The following DNAJC1 variants were observed in gnomAD, a reference collection of about 807,000 sequenced individuals.
DNAJC1 encodes dnaJ homolog subfamily C member 1.
DNAJC1 carries 58 observed loss-of-function variants against 76.6 expected under a neutral mutation model. That is an observed-to-expected ratio of 0.76 (90% CI 0.61 to 0.94). DNAJC1 has a LOEUF of 0.94. Ranked by LOEUF, DNAJC1 falls within the 40% of genes least tolerant of loss-of-function variation. The pLI, the probability that DNAJC1 is intolerant of heterozygous loss-of-function variation, is 0.00. For missense variants in DNAJC1, 689 were observed against 677.3 expected (o/e 1.02, Z -0.19); for synonymous variants, 258 against 267.9 (o/e 0.96, Z 0.36).
intron 8 of DNAJC1, among the ~76,000 whole-genome samples, chr10:21,856,406 G>A (rs1835833208): frequency 6.6e-6 from 1 of 152,052 alleles, no homozygotes; most frequent in African/African-American, 2.4e-5. Flanking sequence ...TGTTGTGTAT[G>A]TCTTTGAGGA....
intron 7 of DNAJC1, among the ~76,000 whole-genome samples, chr10:21,884,331 A>C (rs948203644): frequency 4.6e-5 from 7 of 152,178 alleles, no homozygotes; most frequent in African/African-American, 1.7e-4. Flanking sequence ...TACACTCTAA[A>C]GGTTAAAGAA....
intron 8 of DNAJC1, among the ~76,000 whole-genome samples, chr10:21,813,028 C>T (rs1040958139): frequency 1.8e-4 from 8 of 45,362 alleles, no homozygotes; most frequent in African/African-American, 3.9e-4. Context: ...CACACACATA[C>T]ACACACACAC....
At chr10:21,939,565 C>T (rs1207636500) in intron 1 of DNAJC1, among the ~76,000 whole-genome samples, 1 of 152,104 alleles carries the variant, frequency 6.6e-6, no homozygotes, top group Admixed American at 6.5e-5. Context: ...TACATAAATA[C>T]CATTGTGTTA....
intron 1 of DNAJC1, among the ~76,000 whole-genome samples, chr10:21,939,179 G>A (rs184020799): frequency 1.3e-5 from 2 of 152,196 alleles, no homozygotes; most frequent in African/African-American, 4.8e-5. Context: ...GTGAGCCACC[G>A]CTCCCGGCCC....
chr10:21,870,585 G>A (rs1342005946), intron 8 of DNAJC1, among the ~76,000 whole-genome samples: 1 of 151,978 alleles, frequency 6.6e-6, no homozygotes, highest in Admixed American at 6.6e-5. Context: ...ACGAGCCTAG[G>A]TAATGTAGGG....
rs555652039 is a variant in DNAJC1, at chr10:21,879,783, G to A, written c.978+2499C>T. Among the ~76,000 whole-genome samples, 5 of 152,280 alleles carry A rather than the reference G, an allele frequency of 3.3e-5. No homozygotes were observed. The South Asian group carries it at 1.0e-3, about 32-fold the overall frequency. ...AATAACCATCTGAGTCTTTCAACAA[G>A]TCATAATCTTTCTATTGGTAGAGGG... is the stretch of plus-strand genomic sequence containing the variant. On this transcript the variant is annotated intron_variant, in intron 8 of 11. Transcript: ENST00000376980.
intron 6 of DNAJC1, among the ~76,000 whole-genome samples, chr10:21,908,972 G>A (rs1260967036): frequency 1.3e-5 from 2 of 151,694 alleles, no homozygotes; most frequent in Non-Finnish European, 2.9e-5. Flanking sequence ...TGCAACCTCC[G>A]CCTCCCGGGT....
chr10:21,912,050 T>A (rs990990392), intron 6 of DNAJC1, among the ~76,000 whole-genome samples: 1 of 152,182 alleles, frequency 6.6e-6, no homozygotes, highest in African/African-American at 2.4e-5. Flanking sequence ...AATCGATAAG[T>A]TGAGGAAAAT....
At chr10:21,854,402 ATAT>A (rs1835801105) in intron 8 of DNAJC1, among the ~76,000 whole-genome samples, 1 of 151,724 alleles carries the variant, frequency 6.6e-6, no homozygotes, top group Admixed American at 6.6e-5. Flanking sequence ...TGTATTTTAA[ATAT>A]TATCAAACTT....
chr10:21,986,154 G>A (rs1367642151), intron 1 of DNAJC1, among the ~76,000 whole-genome samples: 1 of 152,162 alleles, frequency 6.6e-6, no homozygotes, highest in South Asian at 2.1e-4. Context: ...GTGAACCCGG[G>A]AGGCGGAGCT....
chr10:21,811,834 T>C (rs544792366), intron 8 of DNAJC1, among the ~76,000 whole-genome samples: 23 of 152,256 alleles, frequency 1.5e-4, no homozygotes, highest in African/African-American at 5.5e-4. Context: ...AGGGGTGGAA[T>C]TGCTAAGGTC....
chr10:21,784,747 G>T (rs1834583077), intron 9 of DNAJC1, among the ~76,000 whole-genome samples: 1 of 152,176 alleles, frequency 6.6e-6, no homozygotes, highest in Non-Finnish European at 1.5e-5. Flanking sequence ...CATGTCCTTT[G>T]TAGGGACATG....
At chr10:21,942,532 C>T (rs770363033) in intron 1 of DNAJC1, among the ~76,000 whole-genome samples, 4 of 151,922 alleles carry the variant, frequency 2.6e-5, no homozygotes, top group South Asian at 4.2e-4. Context: ...AGCGGCCGGG[C>T]GCGGTGGCTC....
At chr10:21,992,776 T>C (rs1457945068) in intron 1 of DNAJC1, among the ~76,000 whole-genome samples, 1 of 152,216 alleles carries the variant, frequency 6.6e-6, no homozygotes, top group African/African-American at 2.4e-5. Flanking sequence ...AAAATATTTC[T>C]TTAGGCTACC....
intron 8 of DNAJC1, among the ~76,000 whole-genome samples, chr10:21,873,668 T>C (rs1404589475): frequency 6.6e-6 from 1 of 152,122 alleles, no homozygotes; most frequent in South Asian, 2.1e-4. Context: ...CAACTCCCTA[T>C]GGAAAAATAA....
chr10:21,761,133 CTG>C (rs1834235390), intron 10 of DNAJC1, among the ~76,000 whole-genome samples: 1 of 152,114 alleles, frequency 6.6e-6, no homozygotes, highest in Non-Finnish European at 1.5e-5. Context: ...TGAGCCAAGA[CTG>C]TGCCACTGCA....
intron 9 of DNAJC1, among the ~76,000 whole-genome samples, chr10:21,794,304 A>G (rs370908371): frequency 6.6e-5 from 10 of 151,768 alleles, no homozygotes; most frequent in African/African-American, 2.4e-4. Flanking sequence ...GAGAGAGAAA[A>G]GAAAATGGTT....
intron 8 of DNAJC1, among the ~76,000 whole-genome samples, chr10:21,847,397 T>C (rs1020810184): frequency 1.3e-5 from 2 of 152,178 alleles, no homozygotes; most frequent in African/African-American, 2.4e-5. Flanking sequence ...TCAGGGTAAT[T>C]AGGATATCCA....
chr10:21,825,467 T>C lies in DNAJC1; in HGVS notation c.979-19368A>G, dbSNP rs552431254. On this transcript the variant is annotated intron_variant, in intron 8 of 11. Transcript: ENST00000376980. ...TGGGCTCCTTCCACCTCTTGGCTACTGTGAATGGTGCTGCTCTGAACATGG... is the reference window on the plus strand; with the variant it reads ...TGGGCTCCTTCCACCTCTTGGCTACCGTGAATGGTGCTGCTCTGAACATGG... Among the ~76,000 whole-genome samples the C allele has an allele frequency of 2.0e-5, 3 of 152,344 alleles. No homozygotes were observed. The East Asian group carries it at 5.8e-4, about 29-fold the overall frequency.
Sources: gnomAD v4.1 joint callset for allele counts (sites outside exome capture counted in the v4.1 genomes callset) on GRCh38, gnomAD v4.1.1 for gene constraint, MANE v1.5 for transcripts, NCBI Gene and HGNC (gene_info 2026-07-23, HGNC 2026-07-21) for gene names.